Variants in DLG1 observed in about 807,000 individuals in gnomAD.
DLG1 encodes disks large homolog 1.
Under a neutral mutation model 123.4 loss-of-function variants are expected in DLG1, and 42 were observed. The observed-to-expected ratio is 0.34, with a 90% CI of 0.27 to 0.44. The LOEUF is 0.44. Among genes scored for constraint, DLG1 ranks in the 20% least tolerant of loss-of-function variants. The probability of loss-of-function intolerance (pLI) is 1.00; values close to 1 mark genes in which losing one functional copy is unlikely to be tolerated. For missense variants in DLG1, 942 were observed against 1,082.6 expected, an observed-to-expected ratio of 0.87 and a Z score of 1.82; for synonymous variants, 317 against 356.2, an observed-to-expected ratio of 0.89 and a Z score of 1.24.
chr3:197,281,450 G>A (rs1769336488), intron 4 of DLG1, among the ~76,000 whole-genome samples: 1 of 152,114 alleles, frequency 6.6e-6, no homozygotes, highest in South Asian at 2.1e-4. Flanking sequence ...GGCAACACCT[G>A]AATTTTGGAG....
chr3:197,216,143 T>C (rs1017549801), intron 4 of DLG1, among the ~76,000 whole-genome samples: 16 of 152,226 alleles, frequency 1.1e-4, no homozygotes, highest in African/African-American at 3.6e-4. Context: ...ATATTTCATA[T>C]AACAAAGAGA....
intron 2 of DLG1, chr3:197,296,873 G>T: frequency 2.7e-6 from 1 of 374,484 alleles, no homozygotes; most frequent in South Asian, 4.9e-5. Context: ...GTATCCCACA[G>T]TTGCTTACAG....
intron 15 of DLG1, 44 bp downstream of exon 15, chr3:197,090,868 A>G (rs1248875437): frequency 1.7e-6 from 2 of 1,162,310 alleles, no homozygotes; most frequent in Non-Finnish European, 2.5e-6. Flanking sequence ...ATTTACATGC[A>G]TAACTAATTA....
At chr3:197,164,610 A>G (rs1800376178) in intron 5 of DLG1, among the ~76,000 whole-genome samples, 2 of 152,094 alleles carry the variant, frequency 1.3e-5, no homozygotes, top group African/African-American at 2.4e-5. Flanking sequence ...TGAAAACTCT[A>G]TGAGATTGAG....
chr3:197,044,752 A>G, intron 24 of DLG1, 23 bp from the exon 25 acceptor site: 1 of 1,390,010 alleles, frequency 7.2e-7, no homozygotes, highest in Non-Finnish European at 9.9e-7. Flanking sequence ...AAACAAAATC[A>G]GAAATCTCCA....
intron 4 of DLG1, among the ~76,000 whole-genome samples, chr3:197,277,850 A>T (rs1001099840): frequency 6.6e-6 from 1 of 152,106 alleles, no homozygotes; most frequent in Admixed American, 6.6e-5. Context: ...ATTAAGAGAG[A>T]GAGCCGGGTG....
intron 4 of DLG1, among the ~76,000 whole-genome samples, chr3:197,277,049 A>G (rs1477091559): frequency 6.6e-6 from 1 of 151,490 alleles, no homozygotes; most frequent in Admixed American, 6.6e-5. Context: ...GAGCCACTAC[A>G]CCCAGCTAAT....
intron 5 of DLG1, among the ~76,000 whole-genome samples, chr3:197,158,324 T>C (rs1439907189): frequency 6.6e-6 from 1 of 151,836 alleles, no homozygotes; most frequent in Non-Finnish European, 1.5e-5. Flanking sequence ...TTGGTGGAAA[T>C]ATAAAATTCT....
In DLG1 at chr3:197,065,716, C is replaced by T; in HGVS notation, c.2192G>A (p.Cys731Tyr). ...TTGTTTGGTTTACTTACGAGGAACA[C>T]AGGATCCAAATTTGTCAGGAAATTC... is the stretch of plus-strand genomic sequence containing the variant. ...ISEFPDKFGS[C>Y]VPHTTRPKRD... Residue 731 changes from cysteine (C) to tyrosine (Y), a missense_variant, in exon 21 of 25, where the codon TGT (cysteine) becomes TAT (tyrosine). Physicochemically the swap from Cys to Tyr is radical, Grantham distance 194. Transcript: ENST00000667157. The T allele has an allele frequency of 6.2e-7, 1 of 1,606,494 alleles. No individual in the cohort carries two copies. The highest frequency in any genetic ancestry group is 8.5e-7 in the Non-Finnish European group (1 of 1,174,232).
intron 4 of DLG1, among the ~76,000 whole-genome samples, chr3:197,207,741 T>TGAC (rs1729346930): frequency 8.6e-6 from 1 of 115,954 alleles, no homozygotes; most frequent in Non-Finnish European, 2.1e-5. Flanking sequence ...ATAAAGTTTA[T>TGAC]ATCTTCAACC....
intron 16 of DLG1, 68 bp downstream of exon 16, chr3:197,085,511 TA>T (rs757619257): frequency 7.8e-6 from 12 of 1,538,772 alleles, no homozygotes; most frequent in African/African-American, 1.4e-5. Flanking sequence ...TGTCACAAAT[TA>T]AAAAAAATTT....
chr3:197,197,560 T>C lies in DLG1; in HGVS notation c.319-2971A>G, dbSNP rs115809726. Among the ~76,000 whole-genome samples, 1,480 of 152,312 alleles carry C rather than the reference T, an allele frequency of 9.7e-3. 18 individuals are homozygous for C. The highest frequency in any genetic ancestry group is 0.023 in the African/African-American group (958 of 41,572). ...ATTGGCTCCCTGCCATCTCCTAAGGTGATCAGTTAGGTTTCTATACAGCAT... is the reference window on the plus strand; with the variant it reads ...ATTGGCTCCCTGCCATCTCCTAAGGCGATCAGTTAGGTTTCTATACAGCAT... On this transcript the variant is annotated intron_variant, in intron 4 of 24. Transcript: ENST00000667157.
intron 6 of DLG1, among the ~76,000 whole-genome samples, chr3:197,149,007 GTTA>G (rs1480220559): frequency 6.6e-6 from 1 of 152,086 alleles, no homozygotes; most frequent in African/African-American, 2.4e-5. Flanking sequence ...TTGCATTTAT[GTTA>G]TTAACTCACC....
chr3:197,286,817 T>G (rs1772076723), intron 3 of DLG1, among the ~76,000 whole-genome samples: 1 of 151,962 alleles, frequency 6.6e-6, no homozygotes, highest in African/African-American at 2.4e-5. Flanking sequence ...AGCTGTTATC[T>G]CCCTGGCTCC....
At chr3:197,046,511 A>AGAACCTAAATCGAATTATGAG (rs1390817649) in intron 24 of DLG1, among the ~76,000 whole-genome samples, 1 of 152,210 alleles carries the variant, frequency 6.6e-6, no homozygotes, top group African/African-American at 2.4e-5. Context: ...CCCCAAATGC[A>AGAACCTAAATCGAATTATGAG]GAACCTAAAT....
At chr3:197,276,573 C>T (rs1015997347) in intron 4 of DLG1, among the ~76,000 whole-genome samples, 1 of 152,208 alleles carries the variant, frequency 6.6e-6, no homozygotes, top group African/African-American at 2.4e-5. Context: ...AATACTCACA[C>T]TGTTAAGTCA....
chr3:197,116,366 A>G (rs1287935207), intron 12 of DLG1, among the ~76,000 whole-genome samples: 1 of 152,220 alleles, frequency 6.6e-6, no homozygotes, highest in Non-Finnish European at 1.5e-5. Context: ...ATAAGAGCTT[A>G]TCAGGAAATA....
intron 4 of DLG1, among the ~76,000 whole-genome samples, chr3:197,204,241 A>C (rs1727379615): frequency 6.6e-6 from 1 of 152,236 alleles, no homozygotes; most frequent in South Asian, 2.1e-4. Context: ...ATGCATACGA[A>C]ACACTATTCT....
Position 197,208,306 on chromosome 3 carries a change from G to A in DLG1, c.319-13717C>T, listed in dbSNP as rs757096821. On this transcript the variant is annotated intron_variant, in intron 4 of 24. Coordinates refer to ENST00000667157, the MANE Select transcript of DLG1 (RefSeq NM_001366207.1). The stretch of plus-strand genomic sequence containing the variant: ...AACAGGCACTTTCATACGAATCTGT[G>A]GAGTGTACACTGGTACTACCTCTAT... Among the ~76,000 whole-genome samples the A allele has an allele frequency of 6.1e-5, 9 of 146,358 alleles. 2 individuals are homozygous for A. The highest frequency in any genetic ancestry group is 1.2e-4 in the Non-Finnish European group (8 of 65,172).
Sources: gnomAD v4.1 joint callset for allele counts (sites outside exome capture counted in the v4.1 genomes callset) on GRCh38, gnomAD v4.1.1 for gene constraint, MANE v1.5 for transcripts, NCBI Gene and HGNC (gene_info 2026-07-23, HGNC 2026-07-21) for gene names.